PKHD1: variants seen among roughly 807,000 people sequenced by gnomAD.
The protein encoded by PKHD1 is fibrocystin.
PKHD1 carries 291 observed loss-of-function variants against 412.0 expected under a neutral mutation model. The observed-to-expected ratio is 0.71, with a 90% CI of 0.64 to 0.78. PKHD1 has a LOEUF of 0.78. Ranked by LOEUF, PKHD1 falls within the 30% of genes least tolerant of loss-of-function variation. The pLI, the probability that PKHD1 is intolerant of heterozygous loss-of-function variation, is 0.00. For missense variants in PKHD1, 4,825 were observed against 4,950.7 expected, an observed-to-expected ratio of 0.97 and a Z score of 0.76; for synonymous variants, 1,777 against 1,821.5, an observed-to-expected ratio of 0.98 and a Z score of 0.62.
chr6:51,751,202 G>A (rs1386681210), intron 57 of PKHD1, among the ~76,000 whole-genome samples: 1 of 152,100 alleles, frequency 6.6e-6, no homozygotes, highest in Non-Finnish European at 1.5e-5. Context: ...AAGAATGATG[G>A]AGCCCTCCAA....
In PKHD1 at chr6:51,911,963, A is replaced by G. The variant is rs2127664800; in HGVS notation, c.6333-7T>C. On this transcript the variant is annotated splice_polypyrimidine_tract_variant and splice_region_variant and intron_variant, in intron 38 of 66. Transcript: ENST00000371117. ...TGTAAAGTTGTGAGAATATCTGGAG[A>G]AAAAAAGAGGATGATAGAACTGAGG... 5 of 1,586,808 alleles carry G rather than the reference A, an allele frequency of 3.2e-6. 1 individual carries two copies. In the Middle Eastern group the frequency reaches 5.1e-4, roughly 160 times the overall value.
intron 4 of PKHD1, 106 bp downstream of exon 4, chr6:52,082,285 TG>T: frequency 9.1e-7 from 1 of 1,098,020 alleles, no homozygotes; most frequent in Non-Finnish European, 1.4e-6. Flanking sequence ...CAACTATGGC[TG>T]GCAATTGAAT....
chr6:51,771,431 G>A (rs1012704859), intron 55 of PKHD1, among the ~76,000 whole-genome samples: 1 of 152,060 alleles, frequency 6.6e-6, no homozygotes, highest in African/African-American at 2.4e-5. Context: ...ACACCAGCCT[G>A]ACTGACATGG....
chr6:51,735,547 T>C (rs1229845017), intron 60 of PKHD1, among the ~76,000 whole-genome samples: 1 of 152,142 alleles, frequency 6.6e-6, no homozygotes, highest in South Asian at 2.1e-4. Flanking sequence ...AGCTGACAGA[T>C]CTAAAACAGT....
intron 52 of PKHD1, among the ~76,000 whole-genome samples, chr6:51,797,815 T>C (rs528319097): frequency 3.1e-4 from 47 of 152,308 alleles, no homozygotes; most frequent in African/African-American, 1.1e-3. Flanking sequence ...TTAATGCTAG[T>C]ATTGATATTG....
chr6:51,938,354 T>G (rs764635408), intron 36 of PKHD1, among the ~76,000 whole-genome samples: 4 of 152,020 alleles, frequency 2.6e-5, no homozygotes, highest in Non-Finnish European at 4.4e-5. Flanking sequence ...TTAAATGGCC[T>G]GTTCCTGCCT....
chr6:51,854,251 G>T (rs538743952), intron 49 of PKHD1, among the ~76,000 whole-genome samples: 15 of 152,102 alleles, frequency 9.9e-5, no homozygotes, highest in Admixed American at 8.5e-4. Flanking sequence ...TTGCTCCCAT[G>T]CCTGGAGATG....
At chr6:51,685,473 T>A (rs1301478430) in intron 60 of PKHD1, among the ~76,000 whole-genome samples, 1 of 152,306 alleles carries the variant, frequency 6.6e-6, no homozygotes, top group Non-Finnish European at 1.5e-5. Flanking sequence ...AGCATACTTG[T>A]TCTCATATTA....
At chr6:51,769,856 T>C (rs753236664) in intron 55 of PKHD1, among the ~76,000 whole-genome samples, 9 of 151,664 alleles carry the variant, frequency 5.9e-5, no homozygotes, top group Non-Finnish European at 7.4e-5. Flanking sequence ...ACTTCCCAGC[T>C]ATTCTGTTGG....
chr6:52,048,521 C>T lies in PKHD1; in HGVS notation c.2378G>A (p.Arg793His), dbSNP rs138620202. 1.7e-5 allele frequency: 28 copies of T among 1,613,942 alleles called. No homozygotes were observed. Among genetic ancestry groups the T allele is most frequent in the South Asian group, 3.3e-5 (3 of 91,084 alleles). ...AATCACTGTATTAGGAAGCTGGATG[C>T]GAAAGTGTCCTCCTAGAGGTGGACT... is the stretch of plus-strand genomic sequence containing the variant. ...RTSPPLGGHF[R>H]IQLPNTVISD... The change falls in exon 23 of 67, where the codon CGC (arginine) becomes CAC (histidine). Residue 793 changes from arginine to histidine, a missense_variant. By Grantham distance (29) the Arg-to-His change is conservative (BLOSUM62 0). Coordinates refer to ENST00000371117, the MANE Select transcript of PKHD1 (RefSeq NM_138694.4).
At chr6:51,888,643 A>G (rs1198204999) in intron 43 of PKHD1, among the ~76,000 whole-genome samples, 1 of 151,742 alleles carries the variant, frequency 6.6e-6, no homozygotes, top group African/African-American at 2.4e-5. Flanking sequence ...CACAGTCCTC[A>G]CCCTTCCTGG....
intron 60 of PKHD1, chr6:51,721,409 C>A (rs1039460879): frequency 2.0e-6 from 1 of 504,038 alleles, no homozygotes; most frequent in African/African-American, 2.1e-5. Flanking sequence ...TATTAATATG[C>A]CAATAATAAT....
chr6:51,804,399 T>C (rs951483423), intron 52 of PKHD1, among the ~76,000 whole-genome samples: 2 of 114,808 alleles, frequency 1.7e-5, no homozygotes, highest in African/African-American at 6.8e-5. Flanking sequence ...TTAAGCGAAA[T>C]GCCACATAAA....
Position 51,779,325 on chromosome 6 carries a change from G to A in PKHD1, c.8441-3404C>T, listed in dbSNP as rs142772104. 1.3e-4 allele frequency among the ~76,000 whole-genome samples: 19 copies of A among 151,918 alleles called. No homozygotes were observed. The East Asian group carries it at 3.3e-3, about 26-fold the overall frequency. ...CTGCCTTCATTCCTGTTTTTGTCAC[G>A]GCCAACTCTTACATACTTTCAAACC... On this transcript the variant is annotated intron_variant, in intron 53 of 66. Coordinates refer to ENST00000371117, the MANE Select transcript of PKHD1 (RefSeq NM_138694.4).
At chr6:52,044,939 C>T (rs777892398) in intron 25 of PKHD1, 27 bp downstream of exon 25, 3 of 1,612,324 alleles carry the variant, frequency 1.9e-6, no homozygotes, top group Non-Finnish European at 1.7e-6. Flanking sequence ...CTGGAGCTTG[C>T]ACTTAGGGTG....
Position 52,024,819 on chromosome 6 carries a change from GAAAT to G in PKHD1, c.4987_4990del (p.Ile1663LeufsTer7). On this transcript the variant is annotated frameshift_variant, in exon 32 of 67. Transcript: ENST00000371117. LOFTEE classifies it high-confidence loss of function. ...AAAGGTTAAGATGTCATCGCTCTGA[GAAAT>G]AGAGATCAATTCTGGGGTAAAGGCC... 6.2e-7 allele frequency: 1 copy of G among 1,614,222 alleles called. No individual in the cohort carries two copies. The highest frequency in any genetic ancestry group is 8.5e-7 in the Non-Finnish European group (1 of 1,180,038).
At chr6:52,015,930 T>C (rs1800467871) in intron 34 of PKHD1, among the ~76,000 whole-genome samples, 2 of 152,166 alleles carry the variant, frequency 1.3e-5, no homozygotes, top group African/African-American at 2.4e-5. Flanking sequence ...ATACTGTCAA[T>C]GCGTTCTGAG....
intron 36 of PKHD1, among the ~76,000 whole-genome samples, chr6:51,940,183 A>C (rs1231088264): frequency 6.6e-6 from 1 of 151,642 alleles, no homozygotes; most frequent in African/African-American, 2.4e-5. Flanking sequence ...CTCAATATAC[A>C]TTTTATTACC....
intron 52 of PKHD1, among the ~76,000 whole-genome samples, chr6:51,804,362 G>GA (rs1303386197): frequency 2.0e-5 from 1 of 48,848 alleles, no homozygotes; most frequent in Non-Finnish European, 4.9e-5. Context: ...AATTCATTGG[G>GA]GGGGGGGGGG....
Sources: allele counts gnomAD v4.1 joint callset (sites outside exome capture counted in the v4.1 genomes callset), GRCh38; gene constraint gnomAD v4.1.1; transcripts MANE v1.5; gene names NCBI Gene and HGNC (gene_info 2026-07-23, HGNC 2026-07-21).